Variants in CELF4 observed in about 807,000 individuals in gnomAD.
CELF4 encodes CUG-BP- and ETR-3-like factor 4.
Under a neutral mutation model 59.9 loss-of-function variants are expected in CELF4, and 18 were observed. That is an observed-to-expected ratio of 0.30 (90% CI 0.21 to 0.45). The LOEUF (loss-of-function observed/expected upper bound fraction) is 0.45. CELF4 is among the 20% of genes least tolerant of loss of function. The pLI, the probability that CELF4 is intolerant of heterozygous loss-of-function variation, is 1.00. For missense variants in CELF4, 456 were observed against 689.0 expected (o/e 0.66, Z 3.79); for synonymous variants, 261 against 267.1 (o/e 0.98, Z 0.22).
At chr18:37,325,590 G>A (rs2097282136) in intron 2 of CELF4, among the ~76,000 whole-genome samples, 1 of 152,160 alleles carries the variant, frequency 6.6e-6, no homozygotes, top group Non-Finnish European at 1.5e-5. Flanking sequence ...GCCCTGGATG[G>A]TGCAGGCAGA....
intron 10 of CELF4, among the ~76,000 whole-genome samples, chr18:37,260,068 A>T (rs2073331049): frequency 6.6e-6 from 1 of 152,202 alleles, no homozygotes; most frequent in African/African-American, 2.4e-5. Context: ...ACCCTGTGAC[A>T]TTATTATCAT....
Position 37,244,592 on chromosome 18 carries a change from T to G in CELF4, c.*650A>C, listed in dbSNP as rs904161576. The G allele has an allele frequency of 6.6e-6, 1 of 152,574 alleles. No homozygotes were observed. Among genetic ancestry groups the G allele is most frequent in the African/African-American group, 2.4e-5 (1 of 41,464 alleles). 9.5% of individuals were successfully genotyped at this position (152,574 alleles called of 1,614,324 possible). On this transcript the variant is annotated 3_prime_UTR_variant, in exon 13 of 13. Coordinates refer to ENST00000420428, the MANE Select transcript of CELF4 (RefSeq NM_020180.4). ...GTTTTTTTTGTTTTTTGTTTTTTTT[T>G]TAATTTTTTATTACATTTTTTCATA...
intron 7 of CELF4, among the ~76,000 whole-genome samples, chr18:37,272,572 GAAAA>G (rs397692958): frequency 2.9e-5 from 3 of 104,948 alleles, no homozygotes; most frequent in Non-Finnish European, 3.8e-5. Context: ...AAAGGGAAAT[GAAAA>G]AAAAAAAAAA....
At chr18:37,392,042 G>A (rs530997988) in intron 2 of CELF4, among the ~76,000 whole-genome samples, 9 of 152,236 alleles carry the variant, frequency 5.9e-5, no homozygotes, top group Non-Finnish European at 1.2e-4. Flanking sequence ...CACCAGAACC[G>A]AATTCAGGGA....
At chr18:37,275,272 G>A (rs946418668) in intron 3 of CELF4, 29 bp from the exon 4 acceptor site, 1 of 1,612,274 alleles carries the variant, frequency 6.2e-7, no homozygotes, top group African/African-American at 1.3e-5. Flanking sequence ...ATGCTTACCC[G>A]GGCCAGGGAC....
At chr18:37,327,252 G>GCAGGT (rs1471798026) in intron 2 of CELF4, among the ~76,000 whole-genome samples, 1 of 152,184 alleles carries the variant, frequency 6.6e-6, no homozygotes, top group South Asian at 2.1e-4. Flanking sequence ...GGTCTCTGCT[G>GCAGGT]CCTCCTTTCC....
intron 12 of CELF4, among the ~76,000 whole-genome samples, chr18:37,251,298 G>A (rs2065298752): frequency 1.3e-5 from 2 of 152,146 alleles, no homozygotes; most frequent in South Asian, 4.2e-4. Context: ...CCTGGTGGAA[G>A]AACCGACTCT....
chr18:37,565,791 GCT>G lies in CELF4; in HGVS notation c.-152_-151del, dbSNP rs1019987914. 88 of 538,540 alleles carry G rather than the reference GCT, an allele frequency of 1.6e-4. No homozygotes were observed. In the Admixed American group the frequency reaches 2.4e-3, roughly 15 times the overall value. 33.4% of individuals were successfully genotyped at this position (538,540 alleles called of 1,614,324 possible). ...ACACCTCGCTCTCCGCTCGCTCTCT[GCT>G]CTCTCTCTTTCTCCTCTTCTCTCGC... On this transcript the variant is annotated 5_prime_UTR_variant, in exon 1 of 13. Transcript: ENST00000420428.
At chr18:37,444,406 G>A (rs754518451) in intron 2 of CELF4, among the ~76,000 whole-genome samples, 12 of 152,100 alleles carry the variant, frequency 7.9e-5, no homozygotes, top group Admixed American at 1.3e-4. Context: ...AGAGGCAACC[G>A]TGGGAGGAGG....
At position 37,488,920 on chromosome 18, in the gene CELF4, A is replaced by G. The variant is rs140047912; in HGVS notation, c.287-3313T>C. ...GGCCCACCCCAGCGTCCTCATCTGT[A>G]AAATGGGAAGAGTAATGGCCCTCAG... On this transcript the variant is annotated intron_variant, in intron 1 of 12. Coordinates refer to ENST00000420428, the MANE Select transcript of CELF4 (RefSeq NM_020180.4). Among the ~76,000 whole-genome samples the G allele has an allele frequency of 1.4e-3, 213 of 152,314 alleles. 1 individual carries two copies. Among genetic ancestry groups the G allele is most frequent in the African/African-American group, 4.9e-3 (203 of 41,570 alleles).
At chr18:37,380,664 TCC>T (rs1442366045) in intron 2 of CELF4, among the ~76,000 whole-genome samples, 1 of 46,440 alleles carries the variant, frequency 2.2e-5, no homozygotes, top group Admixed American at 2.5e-4. Context: ...TATCCATCCA[TCC>T]CCTGATTTAG....
At chr18:37,290,179 C>T (rs953374521) in intron 3 of CELF4, among the ~76,000 whole-genome samples, 10 of 152,094 alleles carry the variant, frequency 6.6e-5, no homozygotes, top group Non-Finnish European at 1.2e-4. Flanking sequence ...ATGTTCCCTG[C>T]CAGCCCCAAC....
At chr18:37,496,085 C>T (rs1259140032) in intron 1 of CELF4, among the ~76,000 whole-genome samples, 1 of 152,152 alleles carries the variant, frequency 6.6e-6, no homozygotes, top group Non-Finnish European at 1.5e-5. Flanking sequence ...GCCTTCCCCA[C>T]TCTTGGGCCC....
At chr18:37,335,258 C>G (rs2154542288) in intron 2 of CELF4, among the ~76,000 whole-genome samples, 1 of 152,190 alleles carries the variant, frequency 6.6e-6, no homozygotes, top group Middle Eastern at 3.4e-3. Flanking sequence ...ACGCCAGGGT[C>G]TCCAGGTCAC....
In CELF4 at chr18:37,371,086, G is replaced by A. The variant is rs1026145040; in HGVS notation, c.370-49205C>T. Reference sequence around the variant, plus strand: ...CCTCTGTACTTAGATCCTCAGCCCCGAGCCTTAGAAAGACCCCATATTTCT... The same window carrying A: ...CCTCTGTACTTAGATCCTCAGCCCCAAGCCTTAGAAAGACCCCATATTTCT... On this transcript the variant is annotated intron_variant, in intron 2 of 12. Coordinates refer to ENST00000420428, the MANE Select transcript of CELF4 (RefSeq NM_020180.4). Among the ~76,000 whole-genome samples, 4 of 152,030 alleles carry A rather than the reference G, an allele frequency of 2.6e-5. No individual in the cohort carries two copies. The East Asian group carries it at 5.8e-4, about 22-fold the overall frequency.
chr18:37,322,091 G>T lies in CELF4; in HGVS notation c.370-210C>A, dbSNP rs187140057. 2.8e-3 allele frequency among the ~76,000 whole-genome samples: 431 copies of T among 152,348 alleles called. 8 individuals carry two copies. Among genetic ancestry groups the T allele is most frequent in the Admixed American group, 0.022 (330 of 15,308 alleles). ...CGGCCCCATGGCCCCATTCTTTCAGGGGGGTGTCTCTGGACAGGAGACTTT... is the reference window on the plus strand; with the variant it reads ...CGGCCCCATGGCCCCATTCTTTCAGTGGGGTGTCTCTGGACAGGAGACTTT... On this transcript the variant is annotated intron_variant, in intron 2 of 12. Coordinates refer to ENST00000420428, the MANE Select transcript of CELF4 (RefSeq NM_020180.4).
In CELF4 at chr18:37,450,286, T is replaced by C. The variant is rs914090429; in HGVS notation, c.369+35239A>G. The stretch of plus-strand genomic sequence containing the variant: ...GGAAGAAGCAGGCTGAGCGGTCCCA[T>C]TGTGGCTGGAAAAAAACGCGTTCTC... On this transcript the variant is annotated intron_variant, in intron 2 of 12. Coordinates refer to ENST00000420428, the MANE Select transcript of CELF4 (RefSeq NM_020180.4). Among the ~76,000 whole-genome samples the C allele has an allele frequency of 7.2e-5, 11 of 152,044 alleles. No individual in the cohort carries two copies. The East Asian group carries it at 9.7e-4, about 13-fold the overall frequency.
At chr18:37,454,186 G>A (rs546612214) in intron 2 of CELF4, among the ~76,000 whole-genome samples, 123 of 152,342 alleles carry the variant, frequency 8.1e-4, no homozygotes, top group African/African-American at 2.8e-3. Context: ...CTGGGAAGCA[G>A]AAAAGCAAAT....
intron 2 of CELF4, among the ~76,000 whole-genome samples, chr18:37,346,318 G>A (rs569597693): frequency 4.6e-5 from 7 of 152,214 alleles, no homozygotes; most frequent in Non-Finnish European, 8.8e-5. Context: ...AGGTCACAGG[G>A]AAGGAGCCTC....
Sources: gnomAD v4.1 joint callset for allele counts (sites outside exome capture counted in the v4.1 genomes callset) on GRCh38, gnomAD v4.1.1 for gene constraint, MANE v1.5 for transcripts, NCBI Gene and HGNC (gene_info 2026-07-23, HGNC 2026-07-21) for gene names.